The following ZNF536 variants were observed in gnomAD, a reference collection of about 807,000 sequenced individuals.
The protein encoded by ZNF536 is zinc finger protein 536.
ZNF536 carries 13 observed loss-of-function variants against 84.5 expected under a neutral mutation model. The observed-to-expected ratio is 0.15, with a 90% CI of 0.10 to 0.24. ZNF536 has a LOEUF of 0.24. Among genes scored for constraint, ZNF536 ranks in the 10% least tolerant of loss-of-function variants. The pLI, the probability that ZNF536 is intolerant of heterozygous loss-of-function variation, is 1.00. For missense variants in ZNF536, 1,536 were observed against 1,747.5 expected, an observed-to-expected ratio of 0.88 and a Z score of 2.16; for synonymous variants, 811 against 742.5, an observed-to-expected ratio of 1.09 and a Z score of -1.50.
At chr19:30,470,585 C>A (rs1599483662) in intron 2 of ZNF536, among the ~76,000 whole-genome samples, 1 of 152,000 alleles carries the variant, frequency 6.6e-6, no homozygotes, top group Admixed American at 6.6e-5. Context: ...CACACCTCCC[C>A]CACTAATGGA....
intron 2 of ZNF536, among the ~76,000 whole-genome samples, chr19:30,288,402 G>A (rs1340767774): frequency 1.3e-5 from 2 of 152,200 alleles, no homozygotes; most frequent in East Asian, 3.8e-4. Flanking sequence ...GATAGGCTGA[G>A]GCTCTGGGGA....
chr19:30,487,970 A>G (rs1408950649), intron 2 of ZNF536, among the ~76,000 whole-genome samples: 1 of 152,212 alleles, frequency 6.6e-6, no homozygotes, highest in Non-Finnish European at 1.5e-5. Context: ...CAGCAGCAAT[A>G]AAACTCTCAG....
chr19:30,407,687 A>T (rs1318855655), intron 1 of ZNF536, among the ~76,000 whole-genome samples: 1 of 152,174 alleles, frequency 6.6e-6, no homozygotes, highest in East Asian at 1.9e-4. Flanking sequence ...TCAGGCCCTT[A>T]TGCATATATA....
At chr19:30,496,756 G>T (rs1568486845) in intron 2 of ZNF536, among the ~76,000 whole-genome samples, 1 of 152,098 alleles carries the variant, frequency 6.6e-6, no homozygotes, top group South Asian at 2.1e-4. Context: ...ACAGGTGAGA[G>T]TGATGGTCCG....
chr19:30,569,606 T>G (rs1442790590), intron 1 of ZNF536, among the ~76,000 whole-genome samples: 7 of 134,522 alleles, frequency 5.2e-5, no homozygotes, highest in Non-Finnish European at 1.1e-4. Flanking sequence ...GAGTTTGCTC[T>G]GTCACCCAGT....
At chr19:30,626,851 G>A (rs11084559) in intron 1 of ZNF536, among the ~76,000 whole-genome samples, 64,885 of 152,142 alleles carry the variant, frequency 0.43, 14,661 homozygotes, top group Non-Finnish European at 0.52. Context: ...CCCCCACCCC[G>A]GCCACCTCGG....
chr19:30,383,928 CCCTTCCCTT>C, intron 1 of ZNF536, among the ~76,000 whole-genome samples: 2 of 44,954 alleles, frequency 4.4e-5, no homozygotes, highest in Non-Finnish European at 8.7e-5. Context: ...CCCTTCCCTT[CCCTTCCCTT>C]CCCTCCCCTC....
At chr19:30,587,928 A>G (rs2047152186) in intron 1 of ZNF536, among the ~76,000 whole-genome samples, 1 of 152,262 alleles carries the variant, frequency 6.6e-6, no homozygotes, top group African/African-American at 2.4e-5. Context: ...TGCATTAAAA[A>G]GGCACTTCTG....
chr19:30,367,806 G>A (rs577085134), upstream of ZNF536, among the ~76,000 whole-genome samples: 15 of 152,282 alleles, frequency 9.9e-5, no homozygotes, highest in African/African-American at 3.4e-4. Context: ...CCGATGAGTA[G>A]AGCCTTGCAC....
chr19:30,521,095 C>G (rs1246173563), intron 2 of ZNF536, among the ~76,000 whole-genome samples: 1 of 152,260 alleles, frequency 6.6e-6, no homozygotes, highest in Non-Finnish European at 1.5e-5. Context: ...GAAATGAAGG[C>G]TCATGAAGCT....
At chr19:30,621,580 T>C (rs957735709) in intron 1 of ZNF536, among the ~76,000 whole-genome samples, 1 of 152,246 alleles carries the variant, frequency 6.6e-6, no homozygotes, top group Admixed American at 6.5e-5. Context: ...GCGCCAGACC[T>C]AAAAACAATA....
chr19:30,423,356 C>T (rs756816387), intron 1 of ZNF536, among the ~76,000 whole-genome samples: 3 of 152,214 alleles, frequency 2.0e-5, no homozygotes, highest in Admixed American at 1.3e-4. Flanking sequence ...TAAACAATAG[C>T]ACCAAAAATC....
At position 30,549,434 on chromosome 19, in the gene ZNF536, G is replaced by A. The variant is rs754454115; in HGVS notation, c.3815G>A (p.Ser1272Asn). The change falls in exon 4 of 5, where the codon AGT becomes AAT. Residue 1272 changes from serine (S) to asparagine (N), a missense_variant. Coordinates refer to ENST00000355537, the MANE Select transcript of ZNF536 (RefSeq NM_014717.3). Reference protein sequence around the residue: ...MNMLSVLRAYSSDGLAAFNGL... With the variant: ...MNMLSVLRAYNSDGLAAFNGL... ...ATGCTGTCGGTCCTCAGGGCCTACA[G>A]TTCTGATGGCTTAGCAGCCTTTAAC... is the stretch of plus-strand genomic sequence containing the variant. 6.4e-7 allele frequency: 1 copy of A among 1,559,502 alleles called. No homozygotes were observed. Among genetic ancestry groups the A allele is most frequent in the Non-Finnish European group, 8.7e-7 (1 of 1,153,938 alleles).
At chr19:30,433,662 T>C (rs1382553236) in intron 1 of ZNF536, among the ~76,000 whole-genome samples, 1 of 152,198 alleles carries the variant, frequency 6.6e-6, no homozygotes, top group African/African-American at 2.4e-5. Context: ...CACACCTGGC[T>C]AATTTTGTGT....
chr19:30,269,880 C>G (rs868639916), intron 1 of ZNF536, among the ~76,000 whole-genome samples: 1 of 152,140 alleles, frequency 6.6e-6, no homozygotes, highest in Non-Finnish European at 1.5e-5. Context: ...AAGGCAGTCC[C>G]GCTTCTAGCT....
chr19:30,509,583 C>T (rs1352926772), intron 2 of ZNF536, among the ~76,000 whole-genome samples: 2 of 151,232 alleles, frequency 1.3e-5, no homozygotes, highest in East Asian at 3.9e-4. Context: ...CACAACATGA[C>T]ATTATGGGAC....
intron 1 of ZNF536, among the ~76,000 whole-genome samples, chr19:30,409,995 A>G (rs1361847979): frequency 6.6e-6 from 1 of 151,986 alleles, no homozygotes; most frequent in African/African-American, 2.4e-5. Flanking sequence ...GCATCTCTTC[A>G]TACATCAGAG....
chr19:30,630,806 C>T (rs944195780), intron 1 of ZNF536, among the ~76,000 whole-genome samples: 3 of 152,176 alleles, frequency 2.0e-5, no homozygotes, highest in African/African-American at 7.2e-5. Context: ...CACGGGGAGG[C>T]TCCCTTTTAT....
chr19:30,497,547 A>C (rs185423547), intron 2 of ZNF536, among the ~76,000 whole-genome samples: 193 of 152,330 alleles, frequency 1.3e-3, no homozygotes, highest in African/African-American at 4.4e-3. Flanking sequence ...CCTCATGTTA[A>C]CAGAGCCATA....
Sources: gnomAD v4.1 joint callset for allele counts (sites outside exome capture counted in the v4.1 genomes callset) on GRCh38, gnomAD v4.1.1 for gene constraint, MANE v1.5 for transcripts, NCBI Gene and HGNC (gene_info 2026-07-23, HGNC 2026-07-21) for gene names.